Variants in PIK3R4 observed in about 807,000 individuals in gnomAD.
The protein encoded by PIK3R4 is phosphoinositide 3-kinase regulatory subunit 4.
In PIK3R4, 46 loss-of-function variants were observed where a neutral mutation model predicts 136.5. The ratio of observed to expected loss-of-function variants is 0.34; its 90% CI spans 0.27 to 0.43. The LOEUF (loss-of-function observed/expected upper bound fraction) is 0.43, where lower values mean the gene tolerates loss of function less well. Ranked by LOEUF, PIK3R4 falls within the 20% of genes least tolerant of loss-of-function variation. The probability of loss-of-function intolerance (pLI) is 1.00; values close to 1 mark genes in which losing one functional copy is unlikely to be tolerated. For missense variants in PIK3R4, 1,331 were observed against 1,649.5 expected (o/e 0.81, Z 3.35); for synonymous variants, 557 against 566.7 (o/e 0.98, Z 0.24).
intron 3 of PIK3R4, among the ~76,000 whole-genome samples, chr3:130,735,512 C>T (rs1576463704): frequency 6.6e-6 from 1 of 152,182 alleles, no homozygotes; most frequent in African/African-American, 2.4e-5. Flanking sequence ...TTCCTGTCCC[C>T]TCCATTTCAA....
chr3:130,722,590 G>T (rs1047437053), intron 7 of PIK3R4, among the ~76,000 whole-genome samples: 2 of 152,102 alleles, frequency 1.3e-5, no homozygotes, highest in Non-Finnish European at 2.9e-5. Flanking sequence ...AATGTATTAT[G>T]TGAAATTATA....
At chr3:130,702,832 C>T (rs1229927324) in intron 13 of PIK3R4, among the ~76,000 whole-genome samples, 1 of 152,136 alleles carries the variant, frequency 6.6e-6, no homozygotes, top group African/African-American at 2.4e-5. Context: ...AAATTATATC[C>T]TTCTTGTCCG....
Position 130,734,001 on chromosome 3 carries a change from T to TGGC in PIK3R4, c.994_996dup (p.Ala332dup). ...TCATCTGCAGAAAGAAACGTTTCCT[T>TGGC]GGCAAACTGGGCCATGTAGGGCTGA... is the stretch of plus-strand genomic sequence containing the variant. On this transcript the variant is annotated inframe_insertion, in exon 4 of 20. Transcript: ENST00000356763. The TGGC allele has an allele frequency of 6.2e-7, 1 of 1,614,144 alleles. No homozygotes were observed. The highest frequency in any genetic ancestry group is 8.5e-7 in the Non-Finnish European group (1 of 1,179,994).
chr3:130,718,084 T>C (rs1009718598), intron 8 of PIK3R4, among the ~76,000 whole-genome samples: 3 of 152,200 alleles, frequency 2.0e-5, no homozygotes, highest in South Asian at 2.1e-4. Flanking sequence ...GCCATCAATA[T>C]ACATTTTTGC....
intron 2 of PIK3R4, among the ~76,000 whole-genome samples, chr3:130,737,011 C>T (rs2066789701): frequency 6.6e-6 from 1 of 152,178 alleles, no homozygotes; most frequent in Non-Finnish European, 1.5e-5. Flanking sequence ...TAACTGAAAT[C>T]ATTACATGAC....
intron 3 of PIK3R4, among the ~76,000 whole-genome samples, chr3:130,734,913 G>T (rs1396628841): frequency 6.6e-6 from 1 of 152,134 alleles, no homozygotes; most frequent in African/African-American, 2.4e-5. Context: ...GAACATGGGG[G>T]ACTCAAATGT....
chr3:130,716,195 T>G (rs1245058812), intron 9 of PIK3R4, among the ~76,000 whole-genome samples: 1 of 152,222 alleles, frequency 6.6e-6, no homozygotes, highest in Non-Finnish European at 1.5e-5. Flanking sequence ...CTTATTTAGC[T>G]TAACCTGATA....
intron 9 of PIK3R4, among the ~76,000 whole-genome samples, chr3:130,709,916 G>A (rs1241249091): frequency 6.6e-6 from 1 of 152,122 alleles, no homozygotes; most frequent in Non-Finnish European, 1.5e-5. Flanking sequence ...TTTTCAGGGT[G>A]ACGAAAATGT....
At chr3:130,744,099 A>G (rs1171334227) in intron 2 of PIK3R4, among the ~76,000 whole-genome samples, 3 of 152,320 alleles carry the variant, frequency 2.0e-5, no homozygotes, top group Non-Finnish European at 2.9e-5. Flanking sequence ...ATGTGTTCCT[A>G]TAGCAGCACC....
chr3:130,681,065 G>A lies in PIK3R4; in HGVS notation c.3709C>T (p.Pro1237Ser). The change falls in exon 18 of 20, where the codon CCT (proline) becomes TCT (serine). Residue 1237 changes from proline to serine, a missense_variant and splice_region_variant. Physicochemically the swap from Pro to Ser is moderately conservative, Grantham distance 74. Transcript: ENST00000356763. ...SSAPPLSELQPSPHSVHGIYC... is the reference protein window; with the variant it reads ...SSAPPLSELQSSPHSVHGIYC... ...ATACCATGGACGCTATGAGGAGAAGGCTTAAAAGAAATAGATGTGGAGTCA... is the reference window on the plus strand; with the variant it reads ...ATACCATGGACGCTATGAGGAGAAGACTTAAAAGAAATAGATGTGGAGTCA... 6.5e-7 allele frequency: 1 copy of A among 1,533,550 alleles called. No homozygotes were observed. The highest frequency in any genetic ancestry group is 9.0e-7 in the Non-Finnish European group (1 of 1,106,784). 95.0% of individuals were successfully genotyped at this position (1,533,550 alleles called of 1,614,324 possible). A position where few individuals can be genotyped will look rare whatever the true frequency, so the allele number is the denominator to read the frequency against.
At chr3:130,697,720 T>G (rs1303263903) in intron 13 of PIK3R4, among the ~76,000 whole-genome samples, 1 of 152,224 alleles carries the variant, frequency 6.6e-6, no homozygotes, top group Non-Finnish European at 1.5e-5. Context: ...CTTCTAATTA[T>G]CTCTTCATGC....
intron 13 of PIK3R4, among the ~76,000 whole-genome samples, chr3:130,702,619 GCTTT>G (rs1192594345): frequency 6.6e-6 from 1 of 152,162 alleles, no homozygotes; most frequent in Non-Finnish European, 1.5e-5. Context: ...ATTTCTAGCA[GCTTT>G]CTTTTCAGAC....
At chr3:130,686,758 CTT>C (rs928594576) in intron 14 of PIK3R4, among the ~76,000 whole-genome samples, 9 of 152,116 alleles carry the variant, frequency 5.9e-5, no homozygotes, top group Non-Finnish European at 1.0e-4. Flanking sequence ...CAATAGTGTC[CTT>C]TTACTATTCC....
At chr3:130,744,433 A>G in intron 2 of PIK3R4, 53 bp downstream of exon 2, 1 of 1,523,206 alleles carries the variant, frequency 6.6e-7, no homozygotes, top group South Asian at 1.3e-5. Flanking sequence ...TTTCTGTTTA[A>G]CAGTTAAAAG....
At chr3:130,732,230 AC>A (rs1273041963) in intron 4 of PIK3R4, among the ~76,000 whole-genome samples, 3 of 152,168 alleles carry the variant, frequency 2.0e-5, no homozygotes, top group African/African-American at 7.2e-5. Context: ...GTTGCAGCTA[AC>A]CCTTACAACA....
chr3:130,705,966 A>G (rs1286589500), intron 11 of PIK3R4, among the ~76,000 whole-genome samples, 195 bp from the exon 12 acceptor site: 1 of 144,638 alleles, frequency 6.9e-6, no homozygotes, highest in Non-Finnish European at 1.5e-5. Context: ...CACAAATGCT[A>G]CATTTCCATT....
intron 5 of PIK3R4, among the ~76,000 whole-genome samples, chr3:130,729,170 T>TG (rs1484354880): frequency 6.6e-6 from 1 of 152,228 alleles, no homozygotes; most frequent in Non-Finnish European, 1.5e-5. Context: ...ATCTGGCCAC[T>TG]GTCTTCTCTG....
chr3:130,701,509 C>CAAA (rs539905190), intron 13 of PIK3R4, among the ~76,000 whole-genome samples: 2 of 97,008 alleles, frequency 2.1e-5, no homozygotes, highest in Admixed American at 2.2e-4. Flanking sequence ...GAGACTGTCT[C>CAAA]AAAAAAAAAA....
chr3:130,744,633 A>G lies in PIK3R4; in HGVS notation c.586T>C (p.Tyr196His). Reference protein sequence around the residue: ...FFDTSRRRTCYIAPERFVDGG... With the variant: ...FFDTSRRRTCHIAPERFVDGG... ...TCAACAAAACGTTCAGGAGCAATAT[A>G]GCAAGTTCTCCTCCGTGATGTGTCA... is the stretch of plus-strand genomic sequence containing the variant. Residue 196 changes from tyrosine (Y) to histidine (H), a missense_variant, in exon 2 of 20, where the codon TAT becomes CAT. By Grantham distance (83) the Tyr-to-His change is moderately conservative. Coordinates refer to ENST00000356763, the MANE Select transcript of PIK3R4 (RefSeq NM_014602.3). The G allele has an allele frequency of 6.2e-7, 1 of 1,614,258 alleles. No individual in the cohort carries two copies. Among genetic ancestry groups the G allele is most frequent in the Non-Finnish European group, 8.5e-7 (1 of 1,180,036 alleles).
Sources: allele counts gnomAD v4.1 joint callset (sites outside exome capture counted in the v4.1 genomes callset), GRCh38; gene constraint gnomAD v4.1.1; transcripts MANE v1.5; gene names NCBI Gene and HGNC (gene_info 2026-07-23, HGNC 2026-07-21).